The following RASAL2 variants were observed in gnomAD, a reference collection of about 807,000 sequenced individuals.
The protein encoded by RASAL2 is RAS protein activator like 2.
Under a neutral mutation model 128.9 loss-of-function variants are expected in RASAL2, and 58 were observed. The ratio of observed to expected loss-of-function variants is 0.45; its 90% CI spans 0.36 to 0.56. The LOEUF is 0.56. RASAL2 is among the 20% of genes least tolerant of loss of function. The pLI is 0.00. For synonymous variants in RASAL2, 561 were observed against 580.8 expected, an observed-to-expected ratio of 0.97 and a Z score of 0.49; for missense variants, 1,360 against 1,601.6, an observed-to-expected ratio of 0.85 and a Z score of 2.57.
At chr1:178,436,048 T>C (rs1676235167) in intron 5 of RASAL2, among the ~76,000 whole-genome samples, 2 of 152,078 alleles carry the variant, frequency 1.3e-5, no homozygotes, top group Admixed American at 1.3e-4. Flanking sequence ...GAAAAATCAA[T>C]TCAGAAGGAG....
chr1:178,106,291 T>C (rs1484788870), intron 1 of RASAL2, among the ~76,000 whole-genome samples: 1 of 152,232 alleles, frequency 6.6e-6, no homozygotes, highest in African/African-American at 2.4e-5. Flanking sequence ...ATTTGCATGT[T>C]CCAGTTTGTG....
intron 1 of RASAL2, among the ~76,000 whole-genome samples, chr1:178,153,723 T>C (rs1259757992): frequency 2.0e-5 from 3 of 152,222 alleles, no homozygotes; most frequent in Non-Finnish European, 4.4e-5. Context: ...TGGCTAAGAA[T>C]AATGCTACTG....
chr1:178,373,224 A>C (rs968998813), intron 3 of RASAL2, among the ~76,000 whole-genome samples: 1 of 139,036 alleles, frequency 7.2e-6, no homozygotes, highest in African/African-American at 2.8e-5. Context: ...TATAGTTAGC[A>C]TAAGTTTATC....
chr1:178,229,880 C>A (rs1184992501), intron 1 of RASAL2, among the ~76,000 whole-genome samples: 1 of 152,058 alleles, frequency 6.6e-6, no homozygotes, highest in African/African-American at 2.4e-5. Context: ...AATACTTAAA[C>A]CCTCATAATC....
chr1:178,425,174 C>T (rs74131351), intron 5 of RASAL2, among the ~76,000 whole-genome samples: 1 of 151,944 alleles, frequency 6.6e-6, no homozygotes, highest in Non-Finnish European at 1.5e-5. Context: ...GAAATAGACA[C>T]GCACACAGAA....
At chr1:178,111,975 T>G (rs1659340500) in intron 1 of RASAL2, among the ~76,000 whole-genome samples, 1 of 152,088 alleles carries the variant, frequency 6.6e-6, no homozygotes, top group African/African-American at 2.4e-5. Flanking sequence ...GTGATCTGCC[T>G]GCCTCCACCT....
chr1:178,377,855 T>C (rs1672074455), intron 3 of RASAL2, among the ~76,000 whole-genome samples: 1 of 152,082 alleles, frequency 6.6e-6, no homozygotes, highest in South Asian at 2.1e-4. Flanking sequence ...GAAATCGTGA[T>C]TAACTTTAGG....
At chr1:178,186,990 A>G (rs534666883) in intron 1 of RASAL2, among the ~76,000 whole-genome samples, 13 of 151,288 alleles carry the variant, frequency 8.6e-5, no homozygotes, top group African/African-American at 3.2e-4. Flanking sequence ...TGCCTTACCA[A>G]TTGTTCATTT....
intron 1 of RASAL2, among the ~76,000 whole-genome samples, chr1:178,095,216 C>T (rs990544509): frequency 2.0e-5 from 3 of 152,208 alleles, no homozygotes; most frequent in Admixed American, 6.5e-5. Context: ...CTTATTCCAA[C>T]GGGTGTGGAT....
At chr1:178,400,063 T>C (rs527785646) in intron 4 of RASAL2, among the ~76,000 whole-genome samples, 2 of 152,244 alleles carry the variant, frequency 1.3e-5, no homozygotes, top group Non-Finnish European at 2.9e-5. Flanking sequence ...CATTTGAATG[T>C]CTTCAGACAG....
intron 1 of RASAL2, among the ~76,000 whole-genome samples, chr1:178,195,852 GTTA>G (rs780335602): frequency 1.1e-4 from 16 of 152,070 alleles, no homozygotes; most frequent in Non-Finnish European, 1.8e-4. Flanking sequence ...TCTCAAGGCT[GTTA>G]TTATAATCAT....
In RASAL2 at chr1:178,151,988, T is replaced by C. The variant is rs765755319; in HGVS notation, c.202+57294T>C. 8.5e-5 allele frequency among the ~76,000 whole-genome samples: 13 copies of C among 152,196 alleles called. 1 individual carries two copies. The highest frequency in any genetic ancestry group is 3.2e-3 in the Middle Eastern group (1 of 316). On this transcript the variant is annotated intron_variant, in intron 1 of 17. Coordinates refer to ENST00000367649, the MANE Select transcript of RASAL2 (RefSeq NM_170692.4). ...CAGAGTTCCTTGAACTCATGGAGTT[T>C]CCTGAGTGTTAGGAGAGTGTTTTGT...
chr1:178,272,136 T>C (rs1177589742), intron 1 of RASAL2, among the ~76,000 whole-genome samples: 1 of 152,202 alleles, frequency 6.6e-6, no homozygotes. Flanking sequence ...TTGACCCCAT[T>C]AAGTTGATGT....
At chr1:178,398,603 TTCAGTCCTCTGTATTGTAC>T (rs879547641) in intron 4 of RASAL2, among the ~76,000 whole-genome samples, 1 of 152,228 alleles carries the variant, frequency 6.6e-6, no homozygotes, top group Non-Finnish European at 1.5e-5. Context: ...CATTCTTTCA[TTCAGTCCTCTGTATTGTAC>T]TATGGCTTGG....
At chr1:178,285,394 A>G (rs1452718940) in intron 2 of RASAL2, among the ~76,000 whole-genome samples, 1 of 152,042 alleles carries the variant, frequency 6.6e-6, no homozygotes, top group Non-Finnish European at 1.5e-5. Context: ...TGCTGGGATT[A>G]CAGGCATGAG....
intron 1 of RASAL2, among the ~76,000 whole-genome samples, chr1:178,183,101 G>T (rs373394910): frequency 6.6e-6 from 1 of 152,220 alleles, no homozygotes; most frequent in East Asian, 1.9e-4. Context: ...GCCCTAACAG[G>T]CCATGGACTG....
intron 17 of RASAL2, among the ~76,000 whole-genome samples, chr1:178,471,030 A>AG (rs899707613): frequency 1.1e-4 from 17 of 152,140 alleles, no homozygotes; most frequent in Non-Finnish European, 1.5e-4. Flanking sequence ...GCTGTTTAGT[A>AG]GGGGGGCTGT....
At chr1:178,364,961 A>C (rs1355247465) in intron 3 of RASAL2, among the ~76,000 whole-genome samples, 1 of 151,992 alleles carries the variant, frequency 6.6e-6, no homozygotes, top group African/African-American at 2.4e-5. Context: ...ATTATCTTTA[A>C]TTCTAGATAA....
At position 178,476,652 on chromosome 1, in the gene RASAL2, AAAG is replaced by A. The variant is rs1386312769; in HGVS notation, c.*3418_*3420del. The A allele has an allele frequency of 8.5e-5, 13 of 152,228 alleles. No individual in the cohort carries two copies. Among genetic ancestry groups the A allele is most frequent in the African/African-American group, 2.7e-4 (11 of 41,452 alleles). The allele number at this position is 152,228 out of a possible 1,614,324, so 9.4% of individuals were successfully genotyped here. On this transcript the variant is annotated 3_prime_UTR_variant, in exon 18 of 18. Transcript: ENST00000367649. ...TGATGGTGTTAAGATTATGAAAGAA[AAAG>A]AAGATTACCTAAGACTGCTACAAGT...
Sources: allele counts gnomAD v4.1 joint callset (sites outside exome capture counted in the v4.1 genomes callset), GRCh38; gene constraint gnomAD v4.1.1; transcripts MANE v1.5; gene names NCBI Gene and HGNC (gene_info 2026-07-23, HGNC 2026-07-21).